Variants in PKNOX1 observed in about 807,000 individuals in gnomAD.
PKNOX1 encodes PBX/knotted 1 homeobox 1, also known as homeobox protein PKNOX1.
A neutral mutation model predicts 51.9 loss-of-function variants in PKNOX1; 15 were observed. That is an observed-to-expected ratio of 0.29 (90% confidence interval 0.19 to 0.45). PKNOX1 has a LOEUF of 0.45. Among genes scored for constraint, PKNOX1 ranks in the 20% least tolerant of loss-of-function variants. The pLI is 1.00. For missense variants in PKNOX1, 462 were observed against 547.5 expected (o/e 0.84, Z 1.56); for synonymous variants, 219 against 211.1 (o/e 1.04, Z -0.32).
chr21:43,015,659 C>T (rs956806094), intron 5 of PKNOX1, among the ~76,000 whole-genome samples: 2 of 152,076 alleles, frequency 1.3e-5, no homozygotes, highest in Non-Finnish European at 2.9e-5. Flanking sequence ...GGTGTTATTT[C>T]TTAAATGTTT....
intron 7 of PKNOX1, 96 bp downstream of exon 7, chr21:43,018,326 G>A (rs1274509792): frequency 2.6e-5 from 19 of 737,922 alleles, no homozygotes; most frequent in Non-Finnish European, 4.0e-5. Flanking sequence ...TGCCTGAAGA[G>A]CTTTGTCTTG....
chr21:42,990,263 G>GAATA (rs1003211959), intron 1 of PKNOX1, among the ~76,000 whole-genome samples: 16 of 152,004 alleles, frequency 1.1e-4, no homozygotes, highest in African/African-American at 2.2e-4. Flanking sequence ...CGTCATAAAT[G>GAATA]AATAAATAAA....
At chr21:42,981,938 G>A (rs1454061717) in intron 1 of PKNOX1, among the ~76,000 whole-genome samples, 1 of 152,204 alleles carries the variant, frequency 6.6e-6, no homozygotes, top group Non-Finnish European at 1.5e-5. Context: ...CATGGTTTGT[G>A]CTCTGGCAGG....
At chr21:42,994,612 G>A (rs1409950872) in intron 1 of PKNOX1, among the ~76,000 whole-genome samples, 3 of 151,868 alleles carry the variant, frequency 2.0e-5, no homozygotes, top group Admixed American at 2.0e-4. Flanking sequence ...AGATTCAACA[G>A]TTATTGTTAT....
At chr21:43,011,901 C>T (rs1324718769) in intron 4 of PKNOX1, among the ~76,000 whole-genome samples, 1 of 152,188 alleles carries the variant, frequency 6.6e-6, no homozygotes, top group Non-Finnish European at 1.5e-5. Context: ...GCTCTCTCCA[C>T]CCCTGAGTCT....
chr21:43,030,065 C>T lies in PKNOX1; in HGVS notation c.1275C>T (p.Ser425=), dbSNP rs368363368. Residue 425 remains serine (S), a synonymous_variant, in exon 11 of 11, where the codon AGC becomes AGT. Transcript: ENST00000291547. ...DAGALAPAHI[S]GLVLENSDSL... is the part of the protein sequence containing the mutation. ...GTGCCCTGGCCCCTGCCCACATCAG[C>T]GGGCTGGTCTTGGAGAACAGTGACT... The T allele has an allele frequency of 2.2e-5, 35 of 1,608,792 alleles. No homozygotes were observed. Among genetic ancestry groups the T allele is most frequent in the African/African-American group, 1.6e-4 (12 of 74,976 alleles).
At position 43,015,995 on chromosome 21, in the gene PKNOX1, G is replaced by A. The variant is rs141586904; in HGVS notation, c.523-913G>A. 3.9e-3 allele frequency among the ~76,000 whole-genome samples: 600 copies of A among 152,120 alleles called. 8 individuals carry two copies. Among genetic ancestry groups the A allele is most frequent in the East Asian group, 0.021 (107 of 5,176 alleles). ...GTTCCTCTTTTTCTAAGATCTTAAGGTGGAAGCTGGGATGATTGATTTGAC... is the reference window on the plus strand; with the variant it reads ...GTTCCTCTTTTTCTAAGATCTTAAGATGGAAGCTGGGATGATTGATTTGAC... On this transcript the variant is annotated intron_variant, in intron 5 of 10. Transcript: ENST00000291547.
intron 1 of PKNOX1, among the ~76,000 whole-genome samples, chr21:42,975,298 G>A (rs1471552585): frequency 1.3e-5 from 2 of 151,132 alleles, no homozygotes; most frequent in African/African-American, 4.8e-5. Flanking sequence ...CCTGGGGGCG[G>A]TGGGCGTGAT....
In PKNOX1 at chr21:43,029,978, G is replaced by A; in HGVS notation, c.1188G>A (p.Gln396=). ...CGGACGGGGCCACCCTGGCGGTGCAGCAGGTCATGATGGCAGGGCAGAGCG... is the reference window on the plus strand; with the variant it reads ...CGGACGGGGCCACCCTGGCGGTGCAACAGGTCATGATGGCAGGGCAGAGCG... ...LSSDGATLAV[Q]QVMMAGQSED... The change falls in exon 11 of 11, where the codon CAG becomes CAA. Residue 396 remains glutamine, a synonymous_variant. Coordinates refer to ENST00000291547, the MANE Select transcript of PKNOX1 (RefSeq NM_004571.5). 6.2e-7 allele frequency: 1 copy of A among 1,614,096 alleles called. No individual in the cohort carries two copies.
chr21:43,010,293 A>C, intron 4 of PKNOX1, 69 bp downstream of exon 4: 1 of 907,112 alleles, frequency 1.1e-6, no homozygotes, highest in Non-Finnish European at 1.6e-6. Context: ...TAGGCTTCTA[A>C]GTAGAACTTT....
At chr21:42,979,134 A>G (rs2059013202) in intron 1 of PKNOX1, among the ~76,000 whole-genome samples, 1 of 152,204 alleles carries the variant, frequency 6.6e-6, no homozygotes. Context: ...GTTCCTTTCC[A>G]GAATGGTGAA....
rs539946456 is a variant in PKNOX1, at chr21:42,982,405, T to C, written c.-57+7741T>C. Reference sequence around the variant, plus strand: ...TGAAGGTTTGTACATTTTTTTGCATTAAAAATGTTAGGAATTTAACTTGAC... The same window carrying C: ...TGAAGGTTTGTACATTTTTTTGCATCAAAAATGTTAGGAATTTAACTTGAC... On this transcript the variant is annotated intron_variant, in intron 1 of 10. Coordinates refer to ENST00000291547, the MANE Select transcript of PKNOX1 (RefSeq NM_004571.5). 3.0e-4 allele frequency among the ~76,000 whole-genome samples: 45 copies of C among 152,260 alleles called. No individual in the cohort carries two copies. In the South Asian group the frequency reaches 6.8e-3, roughly 23 times the overall value.
chr21:42,996,564 A>G (rs1978514374), intron 1 of PKNOX1, among the ~76,000 whole-genome samples: 1 of 151,750 alleles, frequency 6.6e-6, no homozygotes, highest in South Asian at 2.1e-4. Flanking sequence ...CACCATGGAC[A>G]GTTCTCATAA....
chr21:43,030,809 C>T lies in PKNOX1; in HGVS notation c.*708C>T, dbSNP rs1980232268. On this transcript the variant is annotated 3_prime_UTR_variant, in exon 11 of 11. Transcript: ENST00000291547. ...TATTAATATTTCAATTTGGAATGTT[C>T]TGAATTGACCAAATTTAATGAACCT... 1 of 152,194 alleles carries T rather than the reference C, an allele frequency of 6.6e-6. No individual in the cohort carries two copies. The highest frequency in any genetic ancestry group is 6.5e-5 in the Admixed American group (1 of 15,276). 9.4% of individuals were successfully genotyped at this position (152,194 alleles called of 1,614,324 possible). A position where few individuals can be genotyped will look rare whatever the true frequency, so the allele number is the denominator to read the frequency against.
intron 6 of PKNOX1, 74 bp downstream of exon 6, chr21:43,017,081 T>A: frequency 1.1e-6 from 1 of 947,340 alleles, no homozygotes; most frequent in Non-Finnish European, 1.7e-6. Context: ...AGAATGACAG[T>A]ATAAATATAA....
intron 1 of PKNOX1, among the ~76,000 whole-genome samples, chr21:43,002,598 G>T (rs1335293312): frequency 6.6e-6 from 1 of 152,230 alleles, no homozygotes; most frequent in Non-Finnish European, 1.5e-5. Flanking sequence ...CATCACAGCA[G>T]TGCCTCCCAC....
intron 1 of PKNOX1, among the ~76,000 whole-genome samples, chr21:42,979,915 A>G (rs1262068059): frequency 6.6e-6 from 1 of 152,228 alleles, no homozygotes; most frequent in East Asian, 1.9e-4. Context: ...AGAATTGATG[A>G]AACATGGTCA....
intron 1 of PKNOX1, among the ~76,000 whole-genome samples, chr21:43,003,112 A>C (rs1978834838): frequency 6.6e-6 from 1 of 152,148 alleles, no homozygotes; most frequent in African/African-American, 2.4e-5. Flanking sequence ...CTGTCTCCTA[A>C]AGTGCTGCTT....
chr21:42,989,495 C>T (rs986036338), intron 1 of PKNOX1, among the ~76,000 whole-genome samples: 25 of 152,072 alleles, frequency 1.6e-4, no homozygotes, highest in Admixed American at 3.9e-4. Flanking sequence ...GATTTCACTG[C>T]GACCTCCACC....
Sources: gnomAD v4.1 joint callset for allele counts (sites outside exome capture counted in the v4.1 genomes callset) on GRCh38, gnomAD v4.1.1 for gene constraint, MANE v1.5 for transcripts, NCBI Gene and HGNC (gene_info 2026-07-23, HGNC 2026-07-21) for gene names.